The following CNRIP1 variants were observed in gnomAD, a reference collection of about 807,000 sequenced individuals.
The protein encoded by CNRIP1 is cannabinoid receptor interacting protein 1, also known as CB1 cannabinoid receptor-interacting protein 1.
A neutral mutation model predicts 15.2 loss-of-function variants in CNRIP1; 10 were observed. That is an observed-to-expected ratio of 0.66 (90% CI 0.41 to 1.12). The LOEUF (loss-of-function observed/expected upper bound fraction) is 1.12. CNRIP1 is among the 50% of genes most tolerant of loss of function. The pLI, the probability that CNRIP1 is intolerant of heterozygous loss-of-function variation, is 0.00. For missense variants in CNRIP1, 211 were observed against 214.7 expected, an observed-to-expected ratio of 0.98 and a Z score of 0.11; for synonymous variants, 91 against 83.2, an observed-to-expected ratio of 1.09 and a Z score of -0.51.
chr2:68,308,923 A>G (rs1208700321), intron 2 of CNRIP1, among the ~76,000 whole-genome samples: 1 of 152,154 alleles, frequency 6.6e-6, no homozygotes, highest in East Asian at 1.9e-4. Flanking sequence ...AAACAGTCCG[A>G]AAAAGGAGTT....
chr2:68,293,430 T>C lies in CNRIP1; in HGVS notation c.*432A>G. The C allele has an allele frequency of 1.0e-6, 1 of 987,630 alleles. No homozygotes were observed. Among genetic ancestry groups the C allele is most frequent in the African/African-American group, 1.7e-5 (1 of 57,464 alleles). The allele number at this position is 987,630 out of a possible 1,614,324, so 61.2% of individuals were successfully genotyped here. The stretch of plus-strand genomic sequence containing the variant: ...AAACACTGCAAGTTACATGTTACCA[T>C]ATTACACATGGGAGGACCCATACAC... On this transcript the variant is annotated 3_prime_UTR_variant, in exon 3 of 3. Transcript: ENST00000263655.
At chr2:68,299,992 C>G (rs1671544493) in intron 2 of CNRIP1, among the ~76,000 whole-genome samples, 1 of 152,140 alleles carries the variant, frequency 6.6e-6, no homozygotes, top group African/African-American at 2.4e-5. Flanking sequence ...TATTAGTAAA[C>G]AAATTCAGTA....
At chr2:68,308,335 T>C (rs943975350) in intron 2 of CNRIP1, among the ~76,000 whole-genome samples, 2 of 152,230 alleles carry the variant, frequency 1.3e-5, no homozygotes, top group Non-Finnish European at 2.9e-5. Flanking sequence ...ACTTAGTTTC[T>C]TCTTCTGGAA....
chr2:68,307,737 TAATA>T (rs1350579205), intron 2 of CNRIP1, among the ~76,000 whole-genome samples: 1 of 152,230 alleles, frequency 6.6e-6, no homozygotes, highest in Non-Finnish European at 1.5e-5. Context: ...AAAAGTGCTT[TAATA>T]AATAATTTTG....
rs1197912867 is a variant in CNRIP1, at chr2:68,319,686, C to G, written c.-286G>C. 2.6e-6 allele frequency: 1 copy of G among 383,796 alleles called. No individual in the cohort carries two copies. The highest frequency in any genetic ancestry group is 4.7e-6 in the Non-Finnish European group (1 of 211,888). 23.8% of individuals were successfully genotyped at this position (383,796 alleles called of 1,614,324 possible). ...TCCCCCGCTCCAGTGCTGCGCCCTCCACGCACCCGAAGGCTCGCTCTGGCC... is the reference window on the plus strand; with the variant it reads ...TCCCCCGCTCCAGTGCTGCGCCCTCGACGCACCCGAAGGCTCGCTCTGGCC... On this transcript the variant is annotated 5_prime_UTR_variant, in exon 1 of 3. Transcript: ENST00000263655.
At chr2:68,302,773 T>C (rs1671659052) in intron 2 of CNRIP1, among the ~76,000 whole-genome samples, 2 of 151,680 alleles carry the variant, frequency 1.3e-5, no homozygotes, top group East Asian at 1.9e-4. Context: ...AAGTGTGATA[T>C]CAGAAAAGAA....
At position 68,287,376 on chromosome 2, in the gene CNRIP1, G is replaced by A. The variant is rs1671056534; in HGVS notation, c.331-2892C>T. Among the ~76,000 whole-genome samples, 8 of 152,146 alleles carry A rather than the reference G, an allele frequency of 5.3e-5. No homozygotes were observed. The South Asian group carries it at 1.7e-3, about 32-fold the overall frequency. ...AAAAGCAGATTGATACAACATAAAG[G>A]ACAGATAAGGGATAAAGCAAATATA... is the stretch of plus-strand genomic sequence containing the variant. On this transcript the variant is annotated intron_variant, in intron 2 of 2. Coordinates refer to the CNRIP1 transcript ENST00000409559.
chr2:68,319,064 G>A (rs1258252842), intron 1 of CNRIP1, among the ~76,000 whole-genome samples, 158 bp downstream of exon 1: 1 of 152,232 alleles, frequency 6.6e-6, no homozygotes, highest in Non-Finnish European at 1.5e-5. Context: ...GGAAGGGGAC[G>A]AAGGCGGACA....
intron 2 of CNRIP1, among the ~76,000 whole-genome samples, chr2:68,307,228 T>A (rs1343890045): frequency 6.6e-6 from 1 of 152,256 alleles, no homozygotes; most frequent in Non-Finnish European, 1.5e-5. Context: ...GTCAAAATGT[T>A]ATACAATTGT....
chr2:68,302,065 G>A (rs1010525930), intron 2 of CNRIP1, among the ~76,000 whole-genome samples: 10 of 151,894 alleles, frequency 6.6e-5, no homozygotes, highest in African/African-American at 2.2e-4. Context: ...TTACATGAAA[G>A]TTGACATTGT....
chr2:68,306,358 A>G (rs1333720853), intron 2 of CNRIP1, among the ~76,000 whole-genome samples: 1 of 151,440 alleles, frequency 6.6e-6, no homozygotes, highest in South Asian at 2.1e-4. Flanking sequence ...GAGTACCAGG[A>G]TACTGTTTAC....
chr2:68,303,488 C>T (rs776982673), intron 2 of CNRIP1, among the ~76,000 whole-genome samples: 2 of 152,194 alleles, frequency 1.3e-5, no homozygotes, highest in Non-Finnish European at 2.9e-5. Flanking sequence ...TTCACCTCCT[C>T]ATGCTACTAC....
At chr2:68,290,287 C>T (rs1671135428), downstream of CNRIP1, among the ~76,000 whole-genome samples, 1 of 152,124 alleles carries the variant, frequency 6.6e-6, no homozygotes, top group Admixed American at 6.5e-5. Context: ...TTCAGCTTCC[C>T]AAAGTGCTGG....
chr2:68,319,435 G>T lies in CNRIP1; in HGVS notation c.-35C>A. ...AGGGTCTGGCGCGGCGGCTCCGGGGGGCGGAGGACAGCGCCGGCTGCGGCC... is the reference window on the plus strand; with the variant it reads ...AGGGTCTGGCGCGGCGGCTCCGGGGTGCGGAGGACAGCGCCGGCTGCGGCC... On this transcript the variant is annotated 5_prime_UTR_variant, in exon 1 of 3. Transcript: ENST00000263655. The T allele has an allele frequency of 6.7e-7, 1 of 1,490,336 alleles. No homozygotes were observed. Among genetic ancestry groups the T allele is most frequent in the South Asian group, 1.3e-5 (1 of 77,922 alleles). 92.3% of individuals were successfully genotyped at this position (1,490,336 alleles called of 1,614,324 possible).
chr2:68,301,641 C>T (rs933685260), intron 2 of CNRIP1, among the ~76,000 whole-genome samples: 6 of 152,202 alleles, frequency 3.9e-5, no homozygotes, highest in Admixed American at 1.3e-4. Context: ...CCTGTAATCC[C>T]AGCACTTTGG....
intron 2 of CNRIP1, among the ~76,000 whole-genome samples, chr2:68,307,532 C>T (rs1671901915): frequency 6.6e-6 from 1 of 152,098 alleles, no homozygotes. Context: ...TGCTATATTG[C>T]TCAGGCTAGT....
At chr2:68,314,105 CT>C (rs1346916121) in intron 2 of CNRIP1, among the ~76,000 whole-genome samples, 3 of 152,202 alleles carry the variant, frequency 2.0e-5, no homozygotes, top group Admixed American at 2.0e-4. Context: ...TCTAACAGCA[CT>C]ACTTTTTTGC....
chr2:68,289,878 C>A (rs1671120613), downstream of CNRIP1, among the ~76,000 whole-genome samples: 1 of 152,082 alleles, frequency 6.6e-6, no homozygotes, highest in Non-Finnish European at 1.5e-5. Flanking sequence ...ATCCTCATAA[C>A]CATTCTGCAA....
intron 2 of CNRIP1, chr2:68,316,804 A>G (rs1672288791): frequency 1.9e-6 from 1 of 516,952 alleles, no homozygotes; most frequent in South Asian, 2.6e-5. Flanking sequence ...GCTTTCTCTT[A>G]ACCAGAATAT....
Sources: allele counts gnomAD v4.1 joint callset (sites outside exome capture counted in the v4.1 genomes callset), GRCh38; gene constraint gnomAD v4.1.1; transcripts MANE v1.5; gene names NCBI Gene and HGNC (gene_info 2026-07-23, HGNC 2026-07-21).